Variants in DMD observed in about 807,000 individuals in gnomAD.
DMD encodes the protein mutant dystrophin.
Under a neutral mutation model 330.1 loss-of-function variants are expected in DMD, and 63 were observed. The ratio of observed to expected loss-of-function variants is 0.19; its 90% confidence interval spans 0.16 to 0.24. The LOEUF (loss-of-function observed/expected upper bound fraction) is 0.24. Among genes scored for constraint, DMD ranks in the 10% least tolerant of loss-of-function variants. The pLI is 1.00. For synonymous variants in DMD, 1,223 were observed against 959.8 expected (o/e 1.27, Z -5.07); for missense variants, 3,344 against 2,684.1 (o/e 1.25, Z -5.43).
chrX:31,677,693 C>T (rs1246986285), intron 53 of DMD, among the ~76,000 whole-genome samples: 1 of 111,963 alleles, frequency 8.9e-6, no homozygotes, highest in Non-Finnish European at 1.9e-5. Context: ...AATTTTTATT[C>T]ACCTAGATTT....
At chrX:31,221,292 A>C (rs1395548189) in intron 64 of DMD, among the ~76,000 whole-genome samples, 2 of 111,402 alleles carry the variant, frequency 1.8e-5, no homozygotes, top group African/African-American at 6.5e-5. Context: ...GGTTTTAAAA[A>C]CCTTGCACAA....
At chrX:32,715,205 G>A (rs1046921934) in intron 7 of DMD, among the ~76,000 whole-genome samples, 5 of 111,027 alleles carry the variant, frequency 4.5e-5, no homozygotes, top group South Asian at 3.8e-4. Flanking sequence ...TGGGCCAGGC[G>A]TGGTGGCTCA....
At chrX:33,156,692 T>G (rs1196592060) in intron 1 of DMD, among the ~76,000 whole-genome samples, 1 of 112,244 alleles carries the variant, frequency 8.9e-6, no homozygotes, top group Non-Finnish European at 1.9e-5. Flanking sequence ...ATTTTCATAC[T>G]CCTATTTAGT....
chrX:31,806,669 G>A (rs1251828149), intron 50 of DMD, among the ~76,000 whole-genome samples: 1 of 112,151 alleles, frequency 8.9e-6, no homozygotes, highest in Admixed American at 9.5e-5. Flanking sequence ...TGCCCACGCA[G>A]GTCTATCCAC....
chrX:32,937,927 G>A (rs762965629), intron 2 of DMD, among the ~76,000 whole-genome samples: 91 of 111,196 alleles, frequency 8.2e-4, no homozygotes, highest in African/African-American at 2.6e-3. Context: ...AAGTAGTGAA[G>A]TTGCTTATCT....
At chrX:33,308,209 G>C (rs139427250) in intron 1 of DMD, among the ~76,000 whole-genome samples, 102 of 111,815 alleles carry the variant, frequency 9.1e-4, no homozygotes, top group African/African-American at 3.2e-3. Context: ...GAGTTTAAAA[G>C]ATTCAAAAAC....
chrX:32,218,557 G>A (rs376969750), intron 43 of DMD, among the ~76,000 whole-genome samples: 15 of 111,978 alleles, frequency 1.3e-4, no homozygotes, highest in African/African-American at 4.5e-4. Flanking sequence ...GGAATTTAAA[G>A]TAACACTAGA....
chrX:32,205,400 C>T (rs2097063571), intron 44 of DMD, among the ~76,000 whole-genome samples: 1 of 108,630 alleles, frequency 9.2e-6, no homozygotes. Flanking sequence ...TTACAATTCT[C>T]TCCCTTATTT....
At chrX:32,052,091 A>G (rs904156707) in intron 44 of DMD, among the ~76,000 whole-genome samples, 2 of 112,207 alleles carry the variant, frequency 1.8e-5, no homozygotes, top group African/African-American at 6.5e-5. Flanking sequence ...AAGTATGAAA[A>G]ATAGGATGGA....
intron 43 of DMD, among the ~76,000 whole-genome samples, chrX:32,262,411 T>C (rs1377530038): frequency 9.0e-6 from 1 of 111,675 alleles, no homozygotes; most frequent in Non-Finnish European, 1.9e-5. Context: ...GATATGTTTA[T>C]TATCTTGACT....
chrX:32,154,542 G>T (rs2147197528), intron 44 of DMD, among the ~76,000 whole-genome samples: 1 of 111,418 alleles, frequency 9.0e-6, no homozygotes, highest in African/African-American at 3.3e-5. Context: ...CAGTATAGAG[G>T]TTCAACCTAG....
chrX:32,771,933 A>G (rs2073653866), intron 7 of DMD, among the ~76,000 whole-genome samples: 1 of 112,053 alleles, frequency 8.9e-6, no homozygotes, highest in African/African-American at 3.3e-5. Context: ...CAATATATTT[A>G]TATAGAGCAC....
intron 48 of DMD, among the ~76,000 whole-genome samples, chrX:31,845,627 A>C (rs765883364): frequency 9.0e-6 from 1 of 110,671 alleles, no homozygotes; most frequent in Non-Finnish European, 1.9e-5. Flanking sequence ...GTACTTATTG[A>C]ACAAACAGGA....
At chrX:31,283,562 C>T (rs1411018547) in intron 62 of DMD, among the ~76,000 whole-genome samples, 3 of 110,981 alleles carry the variant, frequency 2.7e-5, no homozygotes, top group East Asian at 5.6e-4. Flanking sequence ...TCATAACTGC[C>T]CCTGCTTGGT....
intron 55 of DMD, among the ~76,000 whole-genome samples, chrX:31,583,968 C>T (rs1444048930): frequency 1.1e-5 from 1 of 93,629 alleles, no homozygotes; most frequent in East Asian, 3.6e-4. Flanking sequence ...TCCATGTGTT[C>T]TCATTGTTCA....
intron 45 of DMD, among the ~76,000 whole-genome samples, chrX:31,934,727 T>C (rs1184411885): frequency 2.7e-5 from 3 of 111,714 alleles, no homozygotes; most frequent in Non-Finnish European, 5.6e-5. Context: ...GGGAAACTAC[T>C]AGTTTAATAA....
chrX:32,801,665 C>G (rs1342928887), intron 7 of DMD, among the ~76,000 whole-genome samples: 1 of 111,512 alleles, frequency 9.0e-6, no homozygotes, highest in Non-Finnish European at 1.9e-5. Context: ...GTCTTTAATC[C>G]ATCTTGAGTT....
intron 44 of DMD, among the ~76,000 whole-genome samples, chrX:31,988,473 C>CAAAAAA (rs11352664): frequency 4.1e-5 from 1 of 24,148 alleles, no homozygotes; most frequent in Admixed American, 8.5e-4. Flanking sequence ...GACTCCATCT[C>CAAAAAA]AAAAAAAAAA....
intron 55 of DMD, among the ~76,000 whole-genome samples, chrX:31,516,680 T>C (rs2072238194): frequency 9.0e-6 from 1 of 111,654 alleles, no homozygotes; most frequent in Non-Finnish European, 1.9e-5. Context: ...AAAACGGCTG[T>C]TATTAAAGTC....
Sources: gnomAD v4.1 joint callset for allele counts (sites outside exome capture counted in the v4.1 genomes callset) on GRCh38, gnomAD v4.1.1 for gene constraint, MANE v1.5 for transcripts, NCBI Gene and HGNC (gene_info 2026-07-23, HGNC 2026-07-21) for gene names.